The following DLGAP2 variants were observed in gnomAD, a reference collection of about 807,000 sequenced individuals.
DLGAP2 encodes DLG associated protein 2, also known as disks large-associated protein 2.
Under a neutral mutation model 100.3 loss-of-function variants are expected in DLGAP2, and 26 were observed. That is an observed-to-expected ratio of 0.26 (90% CI 0.19 to 0.36). DLGAP2 has a LOEUF of 0.36. DLGAP2 is among the 10% of genes least tolerant of loss of function. DLGAP2 has a pLI of 1.00. For missense variants in DLGAP2, 1,858 were observed against 1,453.2 expected, an observed-to-expected ratio of 1.28 and a Z score of -4.53; for synonymous variants, 886 against 630.1, an observed-to-expected ratio of 1.41 and a Z score of -6.08.
At chr8:1,415,671 C>T (rs1284592811) in intron 3 of DLGAP2, among the ~76,000 whole-genome samples, 8 of 152,196 alleles carry the variant, frequency 5.3e-5, no homozygotes, top group South Asian at 4.1e-4. Flanking sequence ...CATAGAATTT[C>T]GTGGTGTATA....
At chr8:1,651,515 C>G (rs762463231) in intron 8 of DLGAP2, among the ~76,000 whole-genome samples, 1 of 152,220 alleles carries the variant, frequency 6.6e-6, no homozygotes, top group Non-Finnish European at 1.5e-5. Context: ...AGCTGCTTCT[C>G]TAAAGCAGGG....
intron 3 of DLGAP2, among the ~76,000 whole-genome samples, chr8:1,287,592 G>A (rs1202349699): frequency 1.2e-5 from 1 of 80,142 alleles, no homozygotes; most frequent in African/African-American, 6.7e-5. Flanking sequence ...GGTTCAGCGT[G>A]TGTGTGTATG....
chr8:1,265,516 G>A (rs911736954), intron 3 of DLGAP2, among the ~76,000 whole-genome samples: 2 of 152,156 alleles, frequency 1.3e-5, no homozygotes, highest in Non-Finnish European at 2.9e-5. Flanking sequence ...AAAAAAGAAT[G>A]GGGAGAAAGG....
intron 3 of DLGAP2, among the ~76,000 whole-genome samples, chr8:1,489,592 A>C (rs761966711): frequency 6.6e-6 from 1 of 152,218 alleles, no homozygotes; most frequent in South Asian, 2.1e-4. Context: ...TTTTATACTT[A>C]GGCATACAGG....
intron 1 of DLGAP2, among the ~76,000 whole-genome samples, chr8:844,321 G>A (rs945108504): frequency 1.3e-5 from 2 of 152,220 alleles, no homozygotes; most frequent in African/African-American, 4.8e-5. Flanking sequence ...AGTTATGCCA[G>A]TTGTTAAGTT....
chr8:1,329,996 T>C (rs1004125234), intron 3 of DLGAP2, among the ~76,000 whole-genome samples: 4 of 152,200 alleles, frequency 2.6e-5, no homozygotes, highest in Admixed American at 2.0e-4. Context: ...TGGGACTGAG[T>C]GAGCTGCGGA....
intron 1 of DLGAP2, among the ~76,000 whole-genome samples, chr8:861,923 A>C (rs915021760): frequency 6.6e-6 from 1 of 152,226 alleles, no homozygotes; most frequent in Non-Finnish European, 1.5e-5. Flanking sequence ...AGTAAATGCA[A>C]ATTGTCCTCT....
At chr8:1,280,444 A>C (rs772904060) in intron 3 of DLGAP2, among the ~76,000 whole-genome samples, 1 of 152,226 alleles carries the variant, frequency 6.6e-6, no homozygotes, top group Non-Finnish European at 1.5e-5. Flanking sequence ...GTATCAGAAA[A>C]ATACATGCCA....
intron 1 of DLGAP2, among the ~76,000 whole-genome samples, chr8:840,850 A>G (rs949410601): frequency 2.6e-5 from 4 of 152,230 alleles, no homozygotes; most frequent in Non-Finnish European, 5.9e-5. Flanking sequence ...CACATCGTGC[A>G]TTCGTCTGTG....
intron 2 of DLGAP2, among the ~76,000 whole-genome samples, chr8:1,053,774 A>G (rs1802792143): frequency 6.6e-6 from 1 of 152,214 alleles, no homozygotes; most frequent in Non-Finnish European, 1.5e-5. Context: ...AAAAATCATT[A>G]TAATATTTAA....
At chr8:1,068,696 A>G (rs919279216) in intron 2 of DLGAP2, among the ~76,000 whole-genome samples, 1 of 151,810 alleles carries the variant, frequency 6.6e-6, no homozygotes, top group African/African-American at 2.4e-5. Context: ...CGCATGTGGG[A>G]CAGAGGGAGG....
chr8:1,624,351 G>C (rs919533108), intron 6 of DLGAP2, among the ~76,000 whole-genome samples: 1 of 152,060 alleles, frequency 6.6e-6, no homozygotes, highest in South Asian at 2.1e-4. Flanking sequence ...CAAGTTAAGA[G>C]CCTCAGTCAG....
intron 2 of DLGAP2, among the ~76,000 whole-genome samples, chr8:1,044,818 C>G (rs978726184): frequency 4.6e-5 from 7 of 152,204 alleles, no homozygotes; most frequent in African/African-American, 1.4e-4. Flanking sequence ...CACCTCTCGA[C>G]CTGCAGAACG....
chr8:1,415,092 A>G (rs754257289), intron 3 of DLGAP2, among the ~76,000 whole-genome samples: 8 of 152,234 alleles, frequency 5.3e-5, no homozygotes, highest in African/African-American at 1.7e-4. Context: ...GTGCACATGC[A>G]TACATACGTG....
At chr8:1,481,297 A>T (rs1044767737) in intron 3 of DLGAP2, among the ~76,000 whole-genome samples, 2 of 152,202 alleles carry the variant, frequency 1.3e-5, no homozygotes, top group African/African-American at 2.4e-5. Flanking sequence ...CCATTAAAAC[A>T]AACAAAATAG....
In DLGAP2 at chr8:1,065,849, C is replaced by T. The variant is rs1803227924; in HGVS notation, c.73+157883C>T. 2.0e-5 allele frequency among the ~76,000 whole-genome samples: 3 copies of T among 152,162 alleles called. 1 individual carries two copies. The South Asian group carries it at 6.2e-4, about 32-fold the overall frequency. On this transcript the variant is annotated intron_variant, in intron 2 of 14. Coordinates refer to ENST00000637795, the MANE Select transcript of DLGAP2 (RefSeq NM_001346810.2). ...AGGGATGGCCTGGGTCCCAGGAATT[C>T]CGGGAAATCTTTCCTAGCTATTTGC...
chr8:1,462,044 G>T (rs1245420707), intron 3 of DLGAP2, among the ~76,000 whole-genome samples: 1 of 72,502 alleles, frequency 1.4e-5, no homozygotes, highest in African/African-American at 7.1e-5. Context: ...TTGGTGGCCA[G>T]GAGGAGGGAG....
chr8:857,615 C>T (rs1350064075), intron 1 of DLGAP2, among the ~76,000 whole-genome samples: 2 of 152,122 alleles, frequency 1.3e-5, no homozygotes, highest in Non-Finnish European at 2.9e-5. Context: ...AAAAATAAAA[C>T]AGCAAGGAGA....
Position 758,439 on chromosome 8 carries a change from G to A in DLGAP2, c.18+20614G>A, listed in dbSNP as rs139100630. On this transcript the variant is annotated intron_variant, in intron 1 of 14. Transcript: ENST00000637795. Reference sequence around the variant, plus strand: ...TATTTTAAATAAAAGTAACATTTGCGTATAGTTTACAAATCAAATAGTTCA... The same window carrying A: ...TATTTTAAATAAAAGTAACATTTGCATATAGTTTACAAATCAAATAGTTCA... 3.7e-4 allele frequency among the ~76,000 whole-genome samples: 57 copies of A among 152,198 alleles called. 1 individual carries two copies. The highest frequency in any genetic ancestry group is 2.6e-4 in the Admixed American group (4 of 15,282).
Sources: allele counts gnomAD v4.1 joint callset (sites outside exome capture counted in the v4.1 genomes callset), GRCh38; gene constraint gnomAD v4.1.1; transcripts MANE v1.5; gene names NCBI Gene and HGNC (gene_info 2026-07-23, HGNC 2026-07-21).